The following SCMH1 variants were observed in gnomAD, a reference collection of about 807,000 sequenced individuals.
The protein encoded by SCMH1 is Scm polycomb group protein homolog 1.
A neutral mutation model predicts 70.8 loss-of-function variants in SCMH1; 37 were observed. The observed-to-expected ratio is 0.52, with a 90% CI of 0.40 to 0.69. The LOEUF (loss-of-function observed/expected upper bound fraction) is 0.69, where lower values mean the gene tolerates loss of function less well. Ranked by LOEUF, SCMH1 falls within the 30% of genes least tolerant of loss-of-function variation. The pLI, the probability that SCMH1 is intolerant of heterozygous loss-of-function variation, is 0.00. For synonymous variants in SCMH1, 292 were observed against 307.4 expected (o/e 0.95, Z 0.52); for missense variants, 607 against 827.3 (o/e 0.73, Z 3.27).
At chr1:41,205,452 T>C (rs562600337) in intron 1 of SCMH1, among the ~76,000 whole-genome samples, 1 of 152,206 alleles carries the variant, frequency 6.6e-6, no homozygotes, top group Non-Finnish European at 1.5e-5. Flanking sequence ...AGCGCAGCAG[T>C]CTGAGACTGA....
chr1:41,048,024 G>A (rs748754909), intron 11 of SCMH1, among the ~76,000 whole-genome samples: 1 of 152,132 alleles, frequency 6.6e-6, no homozygotes, highest in Non-Finnish European at 1.5e-5. Context: ...ATTACAACCT[G>A]CTAGGGAGGA....
At chr1:41,155,048 T>C (rs1269829082) in intron 4 of SCMH1, among the ~76,000 whole-genome samples, 1 of 152,160 alleles carries the variant, frequency 6.6e-6, no homozygotes, top group Non-Finnish European at 1.5e-5. Context: ...AGTAAAGTCA[T>C]GGACAGATAC....
exon 10 of SCMH1, chr1:41,070,667 G>A: frequency 6.2e-7 from 1 of 1,614,134 alleles, no homozygotes; most frequent in Non-Finnish European, 8.5e-7. Context: ...TCCGGTTCAG[G>A]AGTGCTGGTT....
At chr1:41,188,205 A>G (rs1057091984) in intron 1 of SCMH1, among the ~76,000 whole-genome samples, 2 of 152,222 alleles carry the variant, frequency 1.3e-5, no homozygotes, top group Non-Finnish European at 2.9e-5. Context: ...TCAATTTCTA[A>G]GAAAAGAGCA....
chr1:41,191,940 C>T (rs1294633077), intron 1 of SCMH1, among the ~76,000 whole-genome samples: 10 of 152,096 alleles, frequency 6.6e-5, no homozygotes, highest in African/African-American at 2.4e-4. Flanking sequence ...TGCCCCTTAC[C>T]TCCTTGAAAG....
intron 8 of SCMH1, among the ~76,000 whole-genome samples, chr1:41,077,142 T>C (rs1658532727): frequency 6.6e-6 from 1 of 152,060 alleles, no homozygotes. Context: ...ACCACAGAGC[T>C]GTCATGAGGA....
At chr1:41,043,637 G>A (rs911510374) in intron 12 of SCMH1, 5 of 141,904 alleles carry the variant, frequency 3.5e-5, no homozygotes, top group African/African-American at 1.0e-4. Flanking sequence ...GTTTCACCAT[G>A]TTAGCCAGGA....
intron 8 of SCMH1, among the ~76,000 whole-genome samples, chr1:41,096,223 T>C (rs1176596322): frequency 6.6e-6 from 1 of 152,160 alleles, no homozygotes; most frequent in Non-Finnish European, 1.5e-5. Flanking sequence ...ATACTGAAAG[T>C]TGGAAGCAAC....
At chr1:41,156,598 C>A (rs1645571046) in intron 4 of SCMH1, among the ~76,000 whole-genome samples, 1 of 151,798 alleles carries the variant, frequency 6.6e-6, no homozygotes, top group Non-Finnish European at 1.5e-5. Context: ...GCCACCATTC[C>A]TAGCTAATTT....
chr1:41,222,729 G>C (rs1172934632), intron 1 of SCMH1, among the ~76,000 whole-genome samples: 1 of 152,160 alleles, frequency 6.6e-6, no homozygotes, highest in Non-Finnish European at 1.5e-5. Context: ...TTTCTGGAAA[G>C]GGGTAATTCA....
rs572123011 is a variant in SCMH1 at position 41,177,038 on chromosome 1, A to G, written c.13+9083T>C. ...GACACCTCACACGGCCCTCTGAGACAAAACTTCCAGAGGAACGATCAGGCA... is the reference window on the plus strand; with the variant it reads ...GACACCTCACACGGCCCTCTGAGACGAAACTTCCAGAGGAACGATCAGGCA... On this transcript the variant is annotated intron_variant, in intron 2 of 14. Transcript: ENST00000337495. 6.6e-5 allele frequency among the ~76,000 whole-genome samples: 10 copies of G among 152,278 alleles called. No homozygotes were observed. In the East Asian group the frequency reaches 1.9e-3, roughly 29 times the overall value.
At chr1:41,038,594 A>G (rs1645645035) in intron 12 of SCMH1, among the ~76,000 whole-genome samples, 1 of 152,198 alleles carries the variant, frequency 6.6e-6, no homozygotes, top group Admixed American at 6.5e-5. Flanking sequence ...ATACTTACCT[A>G]AAATTGCTTG....
intron 13 of SCMH1, among the ~76,000 whole-genome samples, chr1:41,032,642 A>G (rs185131067): frequency 3.3e-5 from 5 of 152,252 alleles, no homozygotes; most frequent in South Asian, 2.1e-4. Context: ...CTCATTGTCT[A>G]TGTTGGTAAC....
chr1:41,141,044 G>A (rs1331151088), intron 6 of SCMH1, among the ~76,000 whole-genome samples: 1 of 152,080 alleles, frequency 6.6e-6, no homozygotes, highest in African/African-American at 2.4e-5. Context: ...TTGAAAATTG[G>A]TAAATAAAGA....
At chr1:41,235,076 A>G (rs1214324035) in intron 1 of SCMH1, among the ~76,000 whole-genome samples, 5 of 152,248 alleles carry the variant, frequency 3.3e-5, no homozygotes, top group African/African-American at 7.2e-5. Flanking sequence ...ACCATGCCCA[A>G]TGCATTTTGA....
chr1:41,236,122 T>C (rs987797771), intron 1 of SCMH1, among the ~76,000 whole-genome samples: 2 of 152,222 alleles, frequency 1.3e-5, no homozygotes, highest in African/African-American at 2.4e-5. Context: ...TGCTAGATTG[T>C]AGTTTATGTG....
chr1:41,211,127 C>T (rs1291736756), intron 1 of SCMH1, among the ~76,000 whole-genome samples: 1 of 152,102 alleles, frequency 6.6e-6, no homozygotes, highest in African/African-American at 2.4e-5. Flanking sequence ...ATGAGTAAAA[C>T]ACCAAAAGCA....
At chr1:41,076,802 G>C (rs1658409833) in intron 8 of SCMH1, among the ~76,000 whole-genome samples, 1 of 152,184 alleles carries the variant, frequency 6.6e-6, no homozygotes, top group African/African-American at 2.4e-5. Context: ...GAGCAAAGGG[G>C]AGGGTAGAGA....
At position 41,108,439 on chromosome 1, in the gene SCMH1, A is replaced by G. The variant is rs187310280; in HGVS notation, c.745+4844T>C. ...TAAAGGTATGATTAGCATCATAGTCATGCCATATGTACTGAATTCTTCATT... is the reference window on the plus strand; with the variant it reads ...TAAAGGTATGATTAGCATCATAGTCGTGCCATATGTACTGAATTCTTCATT... On this transcript the variant is annotated intron_variant, in intron 8 of 14. Coordinates refer to ENST00000337495, the Ensembl canonical transcript of SCMH1. Among the ~76,000 whole-genome samples, 4 of 152,358 alleles carry G rather than the reference A, an allele frequency of 2.6e-5. No homozygotes were observed. In the East Asian group the frequency reaches 5.8e-4, roughly 22 times the overall value.
Sources: allele counts gnomAD v4.1 joint callset (sites outside exome capture counted in the v4.1 genomes callset), GRCh38; gene constraint gnomAD v4.1.1; transcripts MANE v1.5; gene names NCBI Gene and HGNC (gene_info 2026-07-23, HGNC 2026-07-21).